The following SETBP1 variants were observed in gnomAD, a reference collection of about 807,000 sequenced individuals.
The protein encoded by SETBP1 is SET-binding protein.
SETBP1 carries 9 observed loss-of-function variants against 101.0 expected under a neutral mutation model. The observed-to-expected ratio is 0.09, with a 90% CI of 0.05 to 0.16. The LOEUF is 0.16. Among genes scored for constraint, SETBP1 ranks in the 10% least tolerant of loss-of-function variants. SETBP1 has a pLI of 1.00. For synonymous variants in SETBP1, 818 were observed against 788.5 expected, an observed-to-expected ratio of 1.04 and a Z score of -0.63; for missense variants, 1,858 against 2,033.8, an observed-to-expected ratio of 0.91 and a Z score of 1.66.
intron 4 of SETBP1, among the ~76,000 whole-genome samples, chr18:45,002,532 T>C (rs368086302): frequency 6.6e-6 from 1 of 152,198 alleles, no homozygotes; most frequent in East Asian, 1.9e-4. Flanking sequence ...TCATTCTTCT[T>C]CTGTTTTCCT....
chr18:44,938,975 T>TGTGTGTGG (rs796082446), intron 3 of SETBP1, among the ~76,000 whole-genome samples: 1 of 151,612 alleles, frequency 6.6e-6, no homozygotes, highest in Non-Finnish European at 1.5e-5. Flanking sequence ...TGTGTGTGTG[T>TGTGTGTGG]GTGTGTGTCT....
At chr18:45,034,260 C>A (rs2073351836) in intron 4 of SETBP1, among the ~76,000 whole-genome samples, 1 of 152,304 alleles carries the variant, frequency 6.6e-6, no homozygotes, top group African/African-American at 2.4e-5. Flanking sequence ...CTGACCTTTT[C>A]GCATCCTGGG....
chr18:44,943,813 C>T (rs2071139428), intron 3 of SETBP1, among the ~76,000 whole-genome samples: 1 of 150,886 alleles, frequency 6.6e-6, no homozygotes, highest in South Asian at 2.1e-4. Context: ...ACCAGCATTC[C>T]TGGTCCTTTC....
intron 2 of SETBP1, among the ~76,000 whole-genome samples, chr18:44,834,734 C>G (rs2072458803): frequency 6.6e-6 from 1 of 152,116 alleles, no homozygotes; most frequent in African/African-American, 2.4e-5. Context: ...ATTACTTGCC[C>G]TCAAGGAGTT....
intron 2 of SETBP1, among the ~76,000 whole-genome samples, chr18:44,820,725 C>T (rs2072094130): frequency 6.6e-6 from 1 of 152,190 alleles, no homozygotes. Flanking sequence ...GGGCAGAGAT[C>T]ATGTCTTGAT....
At chr18:44,826,623 AT>A (rs551249628) in intron 2 of SETBP1, among the ~76,000 whole-genome samples, 24 of 149,878 alleles carry the variant, frequency 1.6e-4, no homozygotes, top group African/African-American at 4.2e-4. Flanking sequence ...GAAGTGGAGG[AT>A]TTTTTTTTTC....
intron 3 of SETBP1, among the ~76,000 whole-genome samples, chr18:44,941,800 T>C (rs886701933): frequency 6.6e-6 from 1 of 152,144 alleles, no homozygotes; most frequent in South Asian, 2.1e-4. Flanking sequence ...TTTTCAGATT[T>C]AGAATTTTCA....
rs149903697 is a variant in SETBP1 at position 44,735,593 on chromosome 18, G to A, written c.486+33761G>A. ...AAGAGAGACAGACAATGGCTTAGGC[G>A]GGGGTACCTATGATAGGTGCTCCAG... On this transcript the variant is annotated intron_variant, in intron 2 of 5. Coordinates refer to ENST00000649279, the MANE Select transcript of SETBP1 (RefSeq NM_015559.3). Among the ~76,000 whole-genome samples the A allele has an allele frequency of 1.1e-3, 160 of 152,254 alleles. 1 individual carries two copies. Among genetic ancestry groups the A allele is most frequent in the African/African-American group, 3.6e-3 (151 of 41,552 alleles).
In SETBP1 at chr18:45,063,620, G is replaced by T. The variant is rs369999882; in HGVS notation, c.4713G>T (p.Gln1571His). 6.3e-7 allele frequency: 1 copy of T among 1,586,366 alleles called. No individual in the cohort carries two copies. Among genetic ancestry groups the T allele is most frequent in the Non-Finnish European group, 8.6e-7 (1 of 1,164,354 alleles). ...AQPPQQSPPQQPLPQEEEVKA... is the reference protein window; with the variant it reads ...AQPPQQSPPQHPLPQEEEVKA... Reference sequence around the variant, plus strand: ...CCCCACAGCAGTCGCCCCCGCAGCAGCCCCTTCCCCAGGAAGAGGAGGTGA... The same window carrying T: ...CCCCACAGCAGTCGCCCCCGCAGCATCCCCTTCCCCAGGAAGAGGAGGTGA... Residue 1571 changes from glutamine to histidine, a missense_variant, in exon 6 of 6, where the codon CAG becomes CAT. Physicochemically the swap from Gln to His is conservative, Grantham distance 24. Transcript: ENST00000649279.
chr18:44,788,033 G>T (rs375493564), intron 2 of SETBP1, among the ~76,000 whole-genome samples: 1 of 150,588 alleles, frequency 6.6e-6, no homozygotes, highest in East Asian at 1.9e-4. Context: ...TAGGAGCAGA[G>T]CTATGCTTTA....
intron 4 of SETBP1, among the ~76,000 whole-genome samples, chr18:45,026,232 T>C (rs2073162106): frequency 3.3e-5 from 5 of 152,232 alleles, no homozygotes. Flanking sequence ...TTCTAAGCCA[T>C]GCTGTGATTA....
chr18:44,824,128 T>C (rs879733675), intron 2 of SETBP1, among the ~76,000 whole-genome samples: 1 of 152,190 alleles, frequency 6.6e-6, no homozygotes, highest in Non-Finnish European at 1.5e-5. Context: ...TGTGTGTGCA[T>C]GCATATGCAT....
chr18:45,025,274 G>T (rs1411971071), intron 4 of SETBP1, among the ~76,000 whole-genome samples: 1 of 152,200 alleles, frequency 6.6e-6, no homozygotes, highest in African/African-American at 2.4e-5. Flanking sequence ...AGTGAAGTAA[G>T]CGAGGATGAG....
intron 3 of SETBP1, among the ~76,000 whole-genome samples, chr18:44,918,812 T>G (rs957382263): frequency 1.3e-5 from 2 of 152,164 alleles, no homozygotes; most frequent in Non-Finnish European, 2.9e-5. Flanking sequence ...AAATCTGAGG[T>G]GATGATCTTA....
chr18:44,870,142 C>G (rs2069239822), intron 3 of SETBP1: 2 of 152,236 alleles, frequency 1.3e-5, no homozygotes, highest in East Asian at 3.9e-4. Flanking sequence ...TAAATTATAG[C>G]TAACGGCAGC....
Position 44,949,874 on chromosome 18 carries a change from C to T in SETBP1, c.541-7C>T, listed in dbSNP as rs1444450337. On this transcript the variant is annotated splice_region_variant and splice_polypyrimidine_tract_variant and intron_variant, in intron 3 of 5. Transcript: ENST00000649279. Reference sequence around the variant, plus strand: ...TCTCTCTCCCTCTCCACTCCACCCACCCTTAGGCTTACGAGAGGCCCCAGA... The same window carrying T: ...TCTCTCTCCCTCTCCACTCCACCCATCCTTAGGCTTACGAGAGGCCCCAGA... The T allele has an allele frequency of 6.2e-7, 1 of 1,610,242 alleles. No homozygotes were observed. The highest frequency in any genetic ancestry group is 1.3e-5 in the African/African-American group (1 of 74,998).
At chr18:45,058,035 C>T (rs1180308608) in intron 5 of SETBP1, among the ~76,000 whole-genome samples, 4 of 152,152 alleles carry the variant, frequency 2.6e-5, no homozygotes, top group Non-Finnish European at 4.4e-5. Context: ...TAGATCTGGA[C>T]CAAAACCAGC....
At chr18:44,694,453 C>T (rs2068982415) in intron 1 of SETBP1, among the ~76,000 whole-genome samples, 1 of 152,232 alleles carries the variant, frequency 6.6e-6, no homozygotes, top group East Asian at 1.9e-4. Context: ...CTCAGGTGAT[C>T]TGCCCACTTC....
intron 2 of SETBP1, among the ~76,000 whole-genome samples, chr18:44,840,546 C>A (rs1382682203): frequency 6.6e-6 from 1 of 152,192 alleles, no homozygotes; most frequent in Non-Finnish European, 1.5e-5. Flanking sequence ...TGACATTTTA[C>A]ATCTTAAAAT....
Sources: gnomAD v4.1 joint callset for allele counts (sites outside exome capture counted in the v4.1 genomes callset) on GRCh38, gnomAD v4.1.1 for gene constraint, MANE v1.5 for transcripts, NCBI Gene and HGNC (gene_info 2026-07-23, HGNC 2026-07-21) for gene names.